The following GRM8 variants were observed in gnomAD, a reference collection of about 807,000 sequenced individuals.
The protein encoded by GRM8 is glutamate metabotropic receptor 8.
A neutral mutation model predicts 87.2 loss-of-function variants in GRM8; 47 were observed. The ratio of observed to expected loss-of-function variants is 0.54; its 90% confidence interval spans 0.43 to 0.69. GRM8 has a LOEUF of 0.69. GRM8 is among the 30% of genes least tolerant of loss of function. The probability of loss-of-function intolerance (pLI) is 0.00; values close to 1 mark genes in which losing one functional copy is unlikely to be tolerated. For missense variants in GRM8, 1,019 were observed against 1,139.2 expected (o/e 0.89, Z 1.52); for synonymous variants, 396 against 404.5 (o/e 0.98, Z 0.25).
chr7:126,792,397 C>A (rs910469604), intron 6 of GRM8, among the ~76,000 whole-genome samples: 5 of 152,324 alleles, frequency 3.3e-5, no homozygotes, highest in Non-Finnish European at 4.4e-5. Context: ...AAAGTAAATT[C>A]TCCAGTCTCT....
At chr7:126,723,670 G>A (rs1004310903) in intron 7 of GRM8, among the ~76,000 whole-genome samples, 2 of 152,104 alleles carry the variant, frequency 1.3e-5, no homozygotes, top group Non-Finnish European at 2.9e-5. Context: ...CATAGGTGTG[G>A]GCAAATGAAA....
chr7:126,965,848 TC>T (rs1244532646), intron 3 of GRM8, among the ~76,000 whole-genome samples: 1 of 152,086 alleles, frequency 6.6e-6, no homozygotes, highest in Non-Finnish European at 1.5e-5. Context: ...AATTAGCTTC[TC>T]ATTACACTTA....
chr7:126,984,608 T>G (rs1811866146), intron 3 of GRM8, among the ~76,000 whole-genome samples: 1 of 152,238 alleles, frequency 6.6e-6, no homozygotes, highest in African/African-American at 2.4e-5. Flanking sequence ...GCAGACAGCC[T>G]ATTGTGGGAC....
chr7:127,063,505 G>A (rs1820819493), intron 3 of GRM8, among the ~76,000 whole-genome samples: 1 of 152,152 alleles, frequency 6.6e-6, no homozygotes, highest in Non-Finnish European at 1.5e-5. Context: ...CAACCAGGGA[G>A]GCGGAGGTTG....
At chr7:127,240,975 A>G (rs3779537) in intron 2 of GRM8, among the ~76,000 whole-genome samples, 15,614 of 152,232 alleles carry the variant, frequency 0.1, 969 homozygotes, top group African/African-American at 0.17. Context: ...CTCTGGCTAC[A>G]TGTTTTAATT....
At chr7:127,076,984 A>G (rs950875393) in intron 3 of GRM8, among the ~76,000 whole-genome samples, 29 of 152,184 alleles carry the variant, frequency 1.9e-4, no homozygotes, top group African/African-American at 7.0e-4. Flanking sequence ...CACAGAGCCC[A>G]AGGGTGAGCC....
intron 7 of GRM8, among the ~76,000 whole-genome samples, chr7:126,610,573 G>C (rs75435753): frequency 6.6e-6 from 1 of 151,936 alleles, no homozygotes; most frequent in Non-Finnish European, 1.5e-5. Context: ...AGTTATATAC[G>C]TCAACTGTAC....
At position 126,613,221 on chromosome 7, in the gene GRM8, T is replaced by A. The variant is rs867634688; in HGVS notation, c.1358-3723A>T. Reference sequence around the variant, plus strand: ...TTTAATAATTCCTACAAGTTTGCCATCTTTTAAAAATGTCATTGTTTGTAC... The same window carrying A: ...TTTAATAATTCCTACAAGTTTGCCAACTTTTAAAAATGTCATTGTTTGTAC... On this transcript the variant is annotated intron_variant, in intron 7 of 10. Coordinates refer to ENST00000339582, the MANE Select transcript of GRM8 (RefSeq NM_000845.3). Among the ~76,000 whole-genome samples the A allele has an allele frequency of 5.9e-5, 9 of 152,270 alleles. No individual in the cohort carries two copies. In the South Asian group the frequency reaches 1.2e-3, roughly 21 times the overall value.
chr7:126,973,369 T>C (rs571149557), intron 3 of GRM8, among the ~76,000 whole-genome samples: 4 of 152,358 alleles, frequency 2.6e-5, no homozygotes, highest in African/African-American at 7.2e-5. Context: ...TACTAATACA[T>C]ACATGTCCTT....
At chr7:126,785,801 G>A (rs1820564052) in intron 6 of GRM8, among the ~76,000 whole-genome samples, 1 of 152,034 alleles carries the variant, frequency 6.6e-6, no homozygotes, top group Non-Finnish European at 1.5e-5. Flanking sequence ...CAGTGCCGCT[G>A]CACCCTTCCT....
chr7:126,848,943 AAGG>A (rs1192454280), intron 6 of GRM8, among the ~76,000 whole-genome samples: 2 of 152,176 alleles, frequency 1.3e-5, no homozygotes, highest in Non-Finnish European at 2.9e-5. Context: ...GGTGGAAGGC[AAGG>A]AGGAGTAAGT....
chr7:126,804,664 A>G (rs1792473927), intron 6 of GRM8, among the ~76,000 whole-genome samples: 1 of 152,200 alleles, frequency 6.6e-6, no homozygotes. Flanking sequence ...AGGATGTGCT[A>G]CAAGCTGAAA....
chr7:126,638,812 C>T (rs932418370), intron 7 of GRM8, among the ~76,000 whole-genome samples: 1 of 152,192 alleles, frequency 6.6e-6, no homozygotes, highest in Non-Finnish European at 1.5e-5. Flanking sequence ...TCATTCTCTC[C>T]CTGAATATAC....
At chr7:127,088,904 A>G (rs898817858) in intron 3 of GRM8, among the ~76,000 whole-genome samples, 2 of 152,236 alleles carry the variant, frequency 1.3e-5, no homozygotes, top group Admixed American at 1.3e-4. Flanking sequence ...TGCTTGAGTG[A>G]TGAACTGTCA....
At chr7:126,840,562 G>A (rs1796183733) in intron 6 of GRM8, among the ~76,000 whole-genome samples, 1 of 152,010 alleles carries the variant, frequency 6.6e-6, no homozygotes, top group Non-Finnish European at 1.5e-5. Flanking sequence ...AGACACTAAT[G>A]TTATATCAAT....
intron 2 of GRM8, among the ~76,000 whole-genome samples, chr7:127,124,175 T>C (rs901512517): frequency 6.6e-6 from 1 of 152,156 alleles, no homozygotes; most frequent in East Asian, 1.9e-4. Context: ...TTGTCTACCT[T>C]TTACAACCAA....
intron 8 of GRM8, among the ~76,000 whole-genome samples, chr7:126,585,918 G>A (rs1470951900): frequency 6.6e-6 from 1 of 152,048 alleles, no homozygotes; most frequent in Non-Finnish European, 1.5e-5. Context: ...ACATGATTGT[G>A]TATTTAGAAA....
intron 8 of GRM8, among the ~76,000 whole-genome samples, chr7:126,572,300 G>T (rs1204937368): frequency 6.6e-6 from 1 of 152,080 alleles, no homozygotes; most frequent in Non-Finnish European, 1.5e-5. Flanking sequence ...TCATCCCACA[G>T]AGTATTATTT....
At chr7:126,589,281 G>T (rs569315456) in intron 8 of GRM8, among the ~76,000 whole-genome samples, 1 of 152,098 alleles carries the variant, frequency 6.6e-6, no homozygotes, top group East Asian at 1.9e-4. Flanking sequence ...GTGCTATTGC[G>T]GGGAGGCACA....
Sources: allele counts gnomAD v4.1 joint callset (sites outside exome capture counted in the v4.1 genomes callset), GRCh38; gene constraint gnomAD v4.1.1; transcripts MANE v1.5; gene names NCBI Gene and HGNC (gene_info 2026-07-23, HGNC 2026-07-21).